SF3B1: variants seen among roughly 807,000 people sequenced by gnomAD.
SF3B1 encodes the protein pre-mRNA processing 10.
SF3B1 carries 12 observed loss-of-function variants against 153.8 expected under a neutral mutation model. The ratio of observed to expected loss-of-function variants is 0.08; its 90% CI spans 0.05 to 0.13. SF3B1 has a LOEUF of 0.13. Among genes scored for constraint, SF3B1 ranks in the 10% least tolerant of loss-of-function variants. SF3B1 has a pLI of 1.00. For synonymous variants in SF3B1, 498 were observed against 525.2 expected (o/e 0.95, Z 0.71); for missense variants, 513 against 1,606.1 (o/e 0.32, Z 11.63).
In SF3B1 at chr2:197,408,487, T is replaced by C; in HGVS notation, c.999A>G (p.Lys333=). 1 of 1,614,046 alleles carries C rather than the reference T, an allele frequency of 6.2e-7. No individual in the cohort carries two copies. The highest frequency in any genetic ancestry group is 8.5e-7 in the Non-Finnish European group (1 of 1,180,034). The change falls in exon 8 of 25, where the codon AAA becomes AAG. Residue 333 remains lysine (K), a synonymous_variant. Transcript: ENST00000335508. ...IGETPTPGAS[K]RKSRWDETPA... ...GTGTTTCATCCCACCGTGATTTTCT[T>C]TTACTGGCTCCAGGAGTCGGTGTTT...
At position 197,390,935 on chromosome 2, in the gene SF3B1, A is replaced by C. The variant is rs1403460954; in HGVS notation, c.*1368T>G. On this transcript the variant is annotated 3_prime_UTR_variant, in exon 25 of 25. Transcript: ENST00000335508. ...TTCTTAACTAAGCTTCTGAAGCAGG[A>C]ACTCCTAAAGTGTCAATAGGCAGTT... 6.6e-6 allele frequency: 1 copy of C among 152,224 alleles called. No individual in the cohort carries two copies. Among genetic ancestry groups the C allele is most frequent in the Non-Finnish European group, 1.5e-5 (1 of 68,058 alleles). 9.4% of individuals were successfully genotyped at this position (152,224 alleles called of 1,614,324 possible).
chr2:197,432,008 G>A (rs1226872306), intron 1 of SF3B1, among the ~76,000 whole-genome samples: 1 of 152,020 alleles, frequency 6.6e-6, no homozygotes, highest in African/African-American at 2.4e-5. Flanking sequence ...GCCTGTAGTT[G>A]TAGCTACTCA....
chr2:197,397,911 T>C, intron 22 of SF3B1, 74 bp downstream of exon 22: 1 of 1,127,360 alleles, frequency 8.9e-7, no homozygotes, highest in Non-Finnish European at 1.3e-6. Context: ...GATTTCTACA[T>C]GGAAGTATTT....
intron 1 of SF3B1, among the ~76,000 whole-genome samples, chr2:197,431,096 CT>C (rs2085425363): frequency 6.9e-6 from 1 of 145,780 alleles, no homozygotes. Flanking sequence ...CCTCCTGTGC[CT>C]TTTCTTCTTT....
In SF3B1 at chr2:197,400,241, C is replaced by A. The variant is rs1367835480; in HGVS notation, c.2901+11G>T. ...TTGGGGAAGAAGTAAGAATTTGATG[C>A]AAAAGTTTACCTCTTGACAAGTCTT... On this transcript the variant is annotated intron_variant, in intron 19 of 24. Transcript: ENST00000335508. This position sits in a 1 kb window ranked among gnomAD's most constrained non-coding sequence, Gnocchi z 5.0. 1 of 1,612,762 alleles carries A rather than the reference C, an allele frequency of 6.2e-7. No individual in the cohort carries two copies. Among genetic ancestry groups the A allele is most frequent in the African/African-American group, 1.3e-5 (1 of 74,970 alleles).
chr2:197,421,841 C>T (rs1248829588), intron 2 of SF3B1, among the ~76,000 whole-genome samples: 3 of 151,782 alleles, frequency 2.0e-5, no homozygotes, highest in Non-Finnish European at 2.9e-5. Flanking sequence ...ATTAGCCAGG[C>T]GTGGTGGTGT....
chr2:197,431,944 G>A (rs576721390), intron 1 of SF3B1, among the ~76,000 whole-genome samples: 219 of 152,132 alleles, frequency 1.4e-3, no homozygotes, highest in Non-Finnish European at 2.3e-3. Flanking sequence ...GTAACATAGC[G>A]AGACCCCATC....
chr2:197,411,570 G>A (rs1312552293), intron 6 of SF3B1, among the ~76,000 whole-genome samples: 1 of 151,974 alleles, frequency 6.6e-6, no homozygotes, highest in East Asian at 1.9e-4. Context: ...TACTCGGGAG[G>A]CTGAGGCAGG....
chr2:197,420,624 T>G, intron 3 of SF3B1, 82 bp from the exon 4 acceptor site: 2 of 840,044 alleles, frequency 2.4e-6, no homozygotes, highest in Non-Finnish European at 3.8e-6. Flanking sequence ...CAGAACACCA[T>G]AAAGCACAAA....
chr2:197,424,735 A>G (rs1012820580), intron 1 of SF3B1, among the ~76,000 whole-genome samples: 3 of 152,220 alleles, frequency 2.0e-5, no homozygotes, highest in African/African-American at 7.2e-5. Flanking sequence ...TGTTTTAATA[A>G]TCTAAATAAT....
intron 1 of SF3B1, among the ~76,000 whole-genome samples, chr2:197,427,390 C>T (rs1040802345): frequency 6.6e-6 from 1 of 152,186 alleles, no homozygotes; most frequent in Admixed American, 6.5e-5. Context: ...AACTGCAGCA[C>T]ATTTACACAT....
chr2:197,430,654 A>G (rs2106025158), intron 1 of SF3B1, among the ~76,000 whole-genome samples: 1 of 152,298 alleles, frequency 6.6e-6, no homozygotes, highest in Middle Eastern at 3.4e-3. Context: ...GGGTTTCACC[A>G]TGTTGATCAA....
intron 6 of SF3B1, among the ~76,000 whole-genome samples, chr2:197,412,837 C>T (rs1179202827): frequency 6.7e-6 from 1 of 149,330 alleles, no homozygotes; most frequent in East Asian, 2.1e-4. Flanking sequence ...GTTAGCCAGG[C>T]GTGGTGGCAG....
At chr2:197,430,620 A>AT (rs1468120725) in intron 1 of SF3B1, among the ~76,000 whole-genome samples, 2 of 152,096 alleles carry the variant, frequency 1.3e-5, no homozygotes, top group African/African-American at 2.4e-5. Flanking sequence ...AACCCAGCTA[A>AT]TTTTTTTATT....
intron 1 of SF3B1, among the ~76,000 whole-genome samples, chr2:197,429,393 A>C (rs1184431934): frequency 6.6e-6 from 1 of 152,174 alleles, no homozygotes; most frequent in Non-Finnish European, 1.5e-5. Flanking sequence ...GTGTTTATCC[A>C]TTCTCTAGCT....
intron 6 of SF3B1, among the ~76,000 whole-genome samples, chr2:197,412,288 G>A (rs1386672009): frequency 2.0e-5 from 3 of 151,812 alleles, no homozygotes; most frequent in Admixed American, 1.3e-4. Context: ...TATGACTAGG[G>A]TACAGTTGTA....
intron 1 of SF3B1, among the ~76,000 whole-genome samples, chr2:197,432,820 T>C (rs2085461597): frequency 6.6e-6 from 1 of 151,922 alleles, no homozygotes; most frequent in African/African-American, 2.4e-5. Context: ...GAGCCGAGAT[T>C]GCACCACTGC....
intron 1 of SF3B1, among the ~76,000 whole-genome samples, chr2:197,428,246 AG>A (rs749657852): frequency 6.6e-6 from 1 of 152,112 alleles, no homozygotes; most frequent in African/African-American, 2.4e-5. Context: ...GCTTGAGCCC[AG>A]GAGGCGGAGG....
rs2105985530 is a variant in SF3B1, at chr2:197,402,117, C to G, written c.2091G>C (p.Glu697Asp). Residue 697 changes from glutamate (E) to aspartate (D), a missense_variant, in exon 15 of 25, where the codon GAG becomes GAC. By Grantham distance (45) the Glu-to-Asp change is conservative. Coordinates refer to ENST00000335508, the MANE Select transcript of SF3B1 (RefSeq NM_012433.4). This position sits in a 1 kb window ranked among gnomAD's most constrained non-coding sequence, Gnocchi z 4.6. ...CACTGATGGTCCGAACTTTCTGCTG[C>G]TCATCCACAAGACCTACAAAACCAA... Reference protein sequence around the residue: ...VEIIEHGLVDEQQKVRTISAL... With the variant: ...VEIIEHGLVDDQQKVRTISAL... 6.2e-7 allele frequency: 1 copy of G among 1,602,896 alleles called. No individual in the cohort carries two copies. The highest frequency in any genetic ancestry group is 8.5e-7 in the Non-Finnish European group (1 of 1,173,794).
Sources: allele counts gnomAD v4.1 joint callset (sites outside exome capture counted in the v4.1 genomes callset), GRCh38; gene constraint gnomAD v4.1.1; non-coding constraint Gnocchi (gnomAD v3.1); transcripts MANE v1.5; gene names NCBI Gene and HGNC (gene_info 2026-07-23, HGNC 2026-07-21).